The following RORA variants were observed in gnomAD, a reference collection of about 807,000 sequenced individuals.
The protein encoded by RORA is nuclear receptor ROR-alpha.
RORA carries 7 observed loss-of-function variants against 69.5 expected under a neutral mutation model. The observed-to-expected ratio is 0.10, with a 90% CI of 0.06 to 0.19. The LOEUF (loss-of-function observed/expected upper bound fraction) is 0.19, where lower values mean the gene tolerates loss of function less well. Ranked by LOEUF, RORA falls within the 10% of genes least tolerant of loss-of-function variation. RORA has a pLI of 1.00. For synonymous variants in RORA, 261 were observed against 240.8 expected (o/e 1.08, Z -0.78); for missense variants, 457 against 663.0 (o/e 0.69, Z 3.41).
At chr15:60,556,173 G>T (rs2067354229) in intron 2 of RORA, among the ~76,000 whole-genome samples, 1 of 152,302 alleles carries the variant, frequency 6.6e-6, no homozygotes, top group African/African-American at 2.4e-5. Flanking sequence ...GGCATTTCAG[G>T]TGAGTGTTTA....
chr15:60,681,707 T>A (rs1208292551), intron 1 of RORA: 1 of 152,192 alleles, frequency 6.6e-6, no homozygotes, highest in Non-Finnish European at 1.5e-5. Context: ...TCCCCTTTTC[T>A]TTTTCTCATT....
chr15:60,658,409 A>C (rs2070255381), intron 2 of RORA, among the ~76,000 whole-genome samples: 1 of 152,166 alleles, frequency 6.6e-6, no homozygotes, highest in African/African-American at 2.4e-5. Context: ...CAGGGAGATC[A>C]AGGGGATTCC....
At chr15:60,893,037 C>T (rs1223249679) in intron 1 of RORA, among the ~76,000 whole-genome samples, 2 of 152,206 alleles carry the variant, frequency 1.3e-5, no homozygotes, top group East Asian at 3.8e-4. Context: ...CCCAGCATAG[C>T]CTCAGCTTGC....
chr15:60,700,230 C>A (rs1024237924), intron 1 of RORA, among the ~76,000 whole-genome samples: 13 of 152,170 alleles, frequency 8.5e-5, no homozygotes, highest in African/African-American at 3.1e-4. Flanking sequence ...AATATAACAA[C>A]CCCTCTTTAT....
intron 1 of RORA, among the ~76,000 whole-genome samples, chr15:60,748,822 T>C (rs1030049888): frequency 2.0e-5 from 3 of 152,140 alleles, no homozygotes; most frequent in African/African-American, 7.2e-5. Flanking sequence ...AAGGGGGAGA[T>C]CAGTCTGCAC....
chr15:61,110,101 A>G (rs1359687450), intron 1 of RORA, among the ~76,000 whole-genome samples: 4 of 152,212 alleles, frequency 2.6e-5, no homozygotes, highest in Non-Finnish European at 5.9e-5. Flanking sequence ...CAGTTGTATA[A>G]GAGTACACAC....
At chr15:60,900,826 C>T (rs905340427) in intron 1 of RORA, among the ~76,000 whole-genome samples, 1 of 151,912 alleles carries the variant, frequency 6.6e-6, no homozygotes, top group East Asian at 1.9e-4. Context: ...GAGCTGAGAT[C>T]GTGCCACTGC....
chr15:60,716,841 A>G (rs988159771), intron 1 of RORA, among the ~76,000 whole-genome samples: 1 of 152,210 alleles, frequency 6.6e-6, no homozygotes, highest in African/African-American at 2.4e-5. Flanking sequence ...TGCCCCAGGG[A>G]GGGCATGGAA....
intron 2 of RORA, chr15:60,677,156 C>T (rs1455690807): frequency 2.2e-6 from 1 of 455,914 alleles, no homozygotes; most frequent in Non-Finnish European, 4.4e-6. Context: ...CTTACCACCT[C>T]TAGAGTGGGT....
Position 61,213,279 on chromosome 15 carries a change from C to G in RORA, c.166+15774G>C, listed in dbSNP as rs1415287872. Among the ~76,000 whole-genome samples the G allele has an allele frequency of 6.6e-6, 1 of 152,200 alleles. No homozygotes were observed. Among genetic ancestry groups the G allele is most frequent in the African/African-American group, 2.4e-5 (1 of 41,448 alleles). ...TTCGCCTTCCACTCCCAACCCTCAC[C>G]CCAGTCTTGGCCTTCAATATCAGTC... On this transcript the variant is annotated intron_variant, in intron 1 of 10. Coordinates refer to ENST00000335670, the MANE Select transcript of RORA (RefSeq NM_134261.3). The surrounding 1 kb of genome is among the most constrained non-coding windows in gnomAD (Gnocchi z 4.1).
chr15:60,592,703 G>A (rs867343386), intron 2 of RORA: 18 of 1,052,748 alleles, frequency 1.7e-5, no homozygotes, highest in Non-Finnish European at 1.9e-5. Flanking sequence ...CCCGCGGGCA[G>A]GTGAGTAGCA....
chr15:61,098,563 G>A (rs374404572), intron 1 of RORA, among the ~76,000 whole-genome samples: 2 of 151,928 alleles, frequency 1.3e-5, no homozygotes, highest in African/African-American at 2.4e-5. Flanking sequence ...GGCTAGTCTC[G>A]AGCTCCTGGG....
chr15:60,533,297 C>A (rs920203), intron 2 of RORA, among the ~76,000 whole-genome samples: 145,010 of 152,234 alleles, frequency 0.95, 69,504 homozygotes, highest in Non-Finnish European at 1. Context: ...CCAGATCTCA[C>A]ATCCAGTGTA....
chr15:60,782,881 G>A (rs920084856), intron 1 of RORA, among the ~76,000 whole-genome samples: 2 of 152,234 alleles, frequency 1.3e-5, no homozygotes, highest in African/African-American at 4.8e-5. Context: ...TAGGCATTGA[G>A]TTAAACCAGC....
intron 2 of RORA, among the ~76,000 whole-genome samples, chr15:60,670,077 G>A (rs2070441246): frequency 6.6e-6 from 1 of 151,998 alleles, no homozygotes; most frequent in African/African-American, 2.4e-5. Context: ...CGATATTACA[G>A]GTGTCTGGAT....
chr15:60,681,195 A>T (rs1375406871), intron 1 of RORA, among the ~76,000 whole-genome samples: 1 of 152,220 alleles, frequency 6.6e-6, no homozygotes, highest in Non-Finnish European at 1.5e-5. Flanking sequence ...CATCCTTTTC[A>T]TTTCACAGAT....
rs1894385284 is a variant in RORA at position 60,991,725 on chromosome 15, C to A, written c.166+237328G>T. On this transcript the variant is annotated intron_variant, in intron 1 of 10. Coordinates refer to ENST00000335670, the MANE Select transcript of RORA (RefSeq NM_134261.3). ...CTAGCTTGGGCAACATAGCAAAACC[C>A]CATCTCAGCCAAAAAACAAAAAACA... is the stretch of plus-strand genomic sequence containing the variant. 2.0e-5 allele frequency among the ~76,000 whole-genome samples: 3 copies of A among 151,936 alleles called. No individual in the cohort carries two copies. The South Asian group carries it at 6.2e-4, about 32-fold the overall frequency.
chr15:60,949,847 GT>G (rs1893027927), intron 1 of RORA, among the ~76,000 whole-genome samples: 1 of 152,162 alleles, frequency 6.6e-6, no homozygotes, highest in African/African-American at 2.4e-5. Context: ...ACCAACGCTG[GT>G]TTTGTAAAAG....
rs2078176311 is a variant in RORA at position 61,061,037 on chromosome 15, C to T, written c.166+168016G>A. Among the ~76,000 whole-genome samples the T allele has an allele frequency of 6.6e-6, 1 of 152,278 alleles. No individual in the cohort carries two copies. Among genetic ancestry groups the T allele is most frequent in the South Asian group, 2.1e-4 (1 of 4,816 alleles). ...GGCTGAAGAAGGAGCTGCTGTTCTT[C>T]CTCCCTGGAATTTGGCATTAAAGGG... On this transcript the variant is annotated intron_variant, in intron 1 of 10. Coordinates refer to ENST00000335670, the MANE Select transcript of RORA (RefSeq NM_134261.3). This position sits in a 1 kb window ranked among gnomAD's most constrained non-coding sequence, Gnocchi z 4.4.
Sources: allele counts gnomAD v4.1 joint callset (sites outside exome capture counted in the v4.1 genomes callset), GRCh38; gene constraint gnomAD v4.1.1; non-coding constraint Gnocchi (gnomAD v3.1); transcripts MANE v1.5; gene names NCBI Gene and HGNC (gene_info 2026-07-23, HGNC 2026-07-21).